Variants in TEK observed in about 807,000 individuals in gnomAD.
TEK encodes the protein TEK receptor tyrosine kinase, also known as angiopoietin-1 receptor.
Under a neutral mutation model 131.8 loss-of-function variants are expected in TEK, and 43 were observed. The ratio of observed to expected loss-of-function variants is 0.33; its 90% CI spans 0.26 to 0.42. TEK has a LOEUF of 0.42. Among genes scored for constraint, TEK ranks in the 10% least tolerant of loss-of-function variants. The pLI is 1.00. For synonymous variants in TEK, 580 were observed against 491.6 expected (o/e 1.18, Z -2.38); for missense variants, 1,162 against 1,384.4 (o/e 0.84, Z 2.55).
chr9:27,136,270 C>G (rs1436062214), intron 1 of TEK, among the ~76,000 whole-genome samples: 1 of 151,934 alleles, frequency 6.6e-6, no homozygotes, highest in Non-Finnish European at 1.5e-5. Flanking sequence ...ATAATAGAGA[C>G]GAGGTTTCAC....
chr9:27,147,732 T>C (rs968731506), intron 1 of TEK, among the ~76,000 whole-genome samples: 1 of 152,246 alleles, frequency 6.6e-6, no homozygotes, highest in Non-Finnish European at 1.5e-5. Flanking sequence ...TTTTACACGA[T>C]GTATTTTTAG....
At chr9:27,117,310 C>A (rs1458085686) in intron 1 of TEK, among the ~76,000 whole-genome samples, 1 of 152,214 alleles carries the variant, frequency 6.6e-6, no homozygotes, top group Non-Finnish European at 1.5e-5. Context: ...TGGAAGAGAG[C>A]AGCTGGCTTC....
intron 21 of TEK, 39 bp from the exon 22 acceptor site, chr9:27,228,167 C>CAGTT (rs748852608): frequency 1.3e-6 from 2 of 1,541,526 alleles, no homozygotes; most frequent in African/African-American, 2.7e-5. Context: ...GACTGAAGCA[C>CAGTT]AGTTATAGAA....
chr9:27,124,110 G>A (rs532177626), intron 1 of TEK, among the ~76,000 whole-genome samples: 3 of 152,204 alleles, frequency 2.0e-5, no homozygotes, highest in Non-Finnish European at 4.4e-5. Context: ...GGAAGGCAAT[G>A]TAAATTACAG....
intron 1 of TEK, among the ~76,000 whole-genome samples, chr9:27,119,155 G>T (rs887302517): frequency 2.6e-5 from 4 of 152,120 alleles, no homozygotes; most frequent in Non-Finnish European, 2.9e-5. Flanking sequence ...AGTAGGAAAT[G>T]ATGGAGACAA....
At chr9:27,207,100 T>C (rs1825425620) in intron 15 of TEK, among the ~76,000 whole-genome samples, 1 of 152,252 alleles carries the variant, frequency 6.6e-6, no homozygotes, top group Admixed American at 6.5e-5. Flanking sequence ...TTCTCCAAAT[T>C]GAGTGTGCAT....
intron 21 of TEK, 64 bp downstream of exon 21, chr9:27,220,209 G>C (rs913513177): frequency 3.9e-6 from 6 of 1,524,152 alleles, no homozygotes; most frequent in Non-Finnish European, 5.4e-6. Flanking sequence ...TCTGGGGCCA[G>C]CTGACTCTAG....
intron 2 of TEK, among the ~76,000 whole-genome samples, chr9:27,164,060 A>C (rs1415174529): frequency 6.6e-6 from 1 of 152,200 alleles, no homozygotes; most frequent in African/African-American, 2.4e-5. Flanking sequence ...GTTGGACCTT[A>C]AAGCCTTCTG....
intron 16 of TEK, chr9:27,210,528 C>T (rs1204846014): frequency 1.2e-5 from 2 of 168,904 alleles, no homozygotes; most frequent in Admixed American, 6.1e-5. Flanking sequence ...TTAGTGTTGA[C>T]CCCACTGCAG....
intron 19 of TEK, among the ~76,000 whole-genome samples, chr9:27,218,025 C>G (rs1454445269): frequency 3.3e-5 from 5 of 151,782 alleles, no homozygotes; most frequent in South Asian, 2.1e-4. Context: ...TTCTCGGACT[C>G]AACAGGAAGA....
At chr9:27,188,356 A>G (rs771295241) in intron 9 of TEK, among the ~76,000 whole-genome samples, 7 of 152,354 alleles carry the variant, frequency 4.6e-5, no homozygotes, top group Non-Finnish European at 1.0e-4. Flanking sequence ...TGTATGTTCC[A>G]TCTCAGTAAA....
At chr9:27,197,107 A>T (rs1587000890) in intron 11 of TEK, among the ~76,000 whole-genome samples, 2 of 150,512 alleles carry the variant, frequency 1.3e-5, no homozygotes, top group East Asian at 4.0e-4. Context: ...ACCAGATTTC[A>T]TCAGAACTCA....
intron 1 of TEK, among the ~76,000 whole-genome samples, chr9:27,137,276 C>T (rs571537584): frequency 6.6e-6 from 1 of 152,286 alleles, no homozygotes; most frequent in East Asian, 1.9e-4. Flanking sequence ...ATGCATTTCA[C>T]ATTGTGCTAT....
At chr9:27,202,733 A>G (rs1564094823) in intron 12 of TEK, 87 bp from the exon 13 acceptor site, 1 of 1,414,596 alleles carries the variant, frequency 7.1e-7, no homozygotes, top group Non-Finnish European at 9.9e-7. Flanking sequence ...GCCTTATATG[A>G]GCTGACATGA....
rs1226751012 is a variant in TEK at position 27,212,003 on chromosome 9, AAGAG to A, written c.2687-696_2687-693del. Among the ~76,000 whole-genome samples the A allele has an allele frequency of 2.6e-4, 39 of 150,444 alleles. No homozygotes were observed. The East Asian group carries it at 2.9e-3, about 11-fold the overall frequency. ...CAAATAACGTTTTATTAAAAAAAAA[AAGAG>A]AGAGAGAAATGATGTGGAACAAAAA... On this transcript the variant is annotated intron_variant, in intron 16 of 22. Transcript: ENST00000380036.
intron 12 of TEK, among the ~76,000 whole-genome samples, chr9:27,199,726 G>A (rs1825152616): frequency 6.6e-6 from 1 of 151,934 alleles, no homozygotes; most frequent in Non-Finnish European, 1.5e-5. Flanking sequence ...ATTTGGAATA[G>A]GTTGTCTTTC....
At chr9:27,219,863 T>C (rs1367545051) in intron 20 of TEK, among the ~76,000 whole-genome samples, 186 bp from the exon 21 acceptor site, 1 of 152,168 alleles carries the variant, frequency 6.6e-6, no homozygotes, top group African/African-American at 2.4e-5. Flanking sequence ...GATCATGCTT[T>C]GGCATAGTCT....
At chr9:27,184,873 T>TA (rs1252624485) in intron 8 of TEK, among the ~76,000 whole-genome samples, 1 of 151,702 alleles carries the variant, frequency 6.6e-6, no homozygotes, top group Admixed American at 6.6e-5. Context: ...CCCCATCTCT[T>TA]AAAAAATAAA....
Position 27,217,726 on chromosome 9 carries a change from G to A in TEK, c.3030G>A (p.Leu1010=). 1 of 1,613,914 alleles carries A rather than the reference G, an allele frequency of 6.2e-7. No homozygotes were observed. Among genetic ancestry groups the A allele is most frequent in the South Asian group, 1.1e-5 (1 of 91,056 alleles). ...TGCGCTGGATGGCCATCGAGTCACT[G>A]AATTACAGTGTGTACACAACCAACA... ...LPVRWMAIES[L]NYSVYTTNSD... The change falls in exon 19 of 23, where the codon CTG becomes CTA. Residue 1010 remains leucine (L), a synonymous_variant. Transcript: ENST00000380036.
Sources: allele counts gnomAD v4.1 joint callset (sites outside exome capture counted in the v4.1 genomes callset), GRCh38; gene constraint gnomAD v4.1.1; transcripts MANE v1.5; gene names NCBI Gene and HGNC (gene_info 2026-07-23, HGNC 2026-07-21).